The following ZNF317 variants were observed in gnomAD, a reference collection of about 807,000 sequenced individuals.
ZNF317 encodes the protein zinc finger protein 317.
In ZNF317, 17 loss-of-function variants were observed where a neutral mutation model predicts 23.4. The ratio of observed to expected loss-of-function variants is 0.73; its 90% CI spans 0.50 to 1.09. ZNF317 has a LOEUF of 1.09. ZNF317 is among the 50% of genes least tolerant of loss of function. The pLI is 0.00. For missense variants in ZNF317, 679 were observed against 796.7 expected, an observed-to-expected ratio of 0.85 and a Z score of 1.78; for synonymous variants, 317 against 314.9, an observed-to-expected ratio of 1.01 and a Z score of -0.07.
In ZNF317 at chr19:9,160,211, C is replaced by T; in HGVS notation, c.566C>T (p.Ala189Val). The stretch of plus-strand genomic sequence containing the variant: ...CTCACTCAGCCAATGGGAAGGCACG[C>T]TGGCAAGAGGCCCTATCACCGCCGC... Reference protein sequence around the residue: ...PHLTQPMGRHAGKRPYHRRDY... With the variant: ...PHLTQPMGRHVGKRPYHRRDY... The change falls in exon 7 of 7, where the codon GCT becomes GTT. Residue 189 changes from alanine to valine, a missense_variant. Coordinates refer to ENST00000247956, the MANE Select transcript of ZNF317 (RefSeq NM_020933.5). The surrounding 1 kb of genome is among the most constrained non-coding windows in gnomAD (Gnocchi z 6.8). 4 of 1,614,154 alleles carry T rather than the reference C, an allele frequency of 2.5e-6. No homozygotes were observed. The highest frequency in any genetic ancestry group is 3.4e-6 in the Non-Finnish European group (4 of 1,180,016).
intron 6 of ZNF317, among the ~76,000 whole-genome samples, chr19:9,159,906 CAT>C (rs968331744): frequency 8.5e-5 from 13 of 152,322 alleles, no homozygotes; most frequent in African/African-American, 3.1e-4. Flanking sequence ...AAAAGTAACA[CAT>C]GTGGAGCCTT....
intron 3 of ZNF317, 181 bp downstream of exon 3, chr19:9,156,929 T>G: frequency 1.3e-6 from 1 of 776,306 alleles, no homozygotes; most frequent in South Asian, 1.9e-5. Context: ...AAGTGATTTA[T>G]GTAGCATCTG....
In ZNF317 at chr19:9,161,386, C is replaced by T. The variant is rs2050855008; in HGVS notation, c.1741C>T (p.Arg581Trp). 6 of 1,613,888 alleles carry T rather than the reference C, an allele frequency of 3.7e-6. No homozygotes were observed. Among genetic ancestry groups the T allele is most frequent in the African/African-American group, 1.3e-5 (1 of 74,906 alleles). Residue 581 changes from arginine to tryptophan, a missense_variant, in exon 7 of 7, where the codon CGG (arginine) becomes TGG (tryptophan). Physicochemically the swap from Arg to Trp is moderately radical, Grantham distance 101. Coordinates refer to ENST00000247956, the MANE Select transcript of ZNF317 (RefSeq NM_020933.5). This position sits in a 1 kb window ranked among gnomAD's most constrained non-coding sequence, Gnocchi z 4.0. Reference sequence around the variant, plus strand: ...CCTCAGGAGCCACGTGAAAACTCACCGGGGAGAGAAGCTCTTTGTGTCATC... The same window carrying T: ...CCTCAGGAGCCACGTGAAAACTCACTGGGGAGAGAAGCTCTTTGTGTCATC... The part of the protein sequence containing the change: ...SSLRSHVKTH[R>W]GEKLFVSSVW...
At position 9,160,071 on chromosome 19, in the gene ZNF317, A is replaced by C. The variant is rs1376307649; in HGVS notation, c.469-43A>C. ...GGGATGACGCTTAGGGTTGCAATGAATATGAGAATTGCCTTTGTCAGCACT... is the reference window on the plus strand; with the variant it reads ...GGGATGACGCTTAGGGTTGCAATGACTATGAGAATTGCCTTTGTCAGCACT... On this transcript the variant is annotated intron_variant, in intron 6 of 6. Coordinates refer to ENST00000247956, the MANE Select transcript of ZNF317 (RefSeq NM_020933.5). This position sits in a 1 kb window ranked among gnomAD's most constrained non-coding sequence, Gnocchi z 6.8. The C allele has an allele frequency of 6.2e-7, 1 of 1,610,002 alleles. No homozygotes were observed. The highest frequency in any genetic ancestry group is 1.1e-5 in the South Asian group (1 of 90,724).
At chr19:9,147,324 A>G (rs1480058226) in intron 1 of ZNF317, among the ~76,000 whole-genome samples, 1 of 144,116 alleles carries the variant, frequency 6.9e-6, no homozygotes, top group Admixed American at 7.0e-5. Flanking sequence ...CATTCCAATG[A>G]CACTGGTTTT....
At position 9,162,885 on chromosome 19, in the gene ZNF317, T is replaced by C. The variant is rs2050875018; in HGVS notation, c.*1452T>C. Reference sequence around the variant, plus strand: ...CACACGGATTGCGACCAGAGCATGATGCCTCCATCAAGTGGTAATATGTTT... The same window carrying C: ...CACACGGATTGCGACCAGAGCATGACGCCTCCATCAAGTGGTAATATGTTT... On this transcript the variant is annotated 3_prime_UTR_variant, in exon 7 of 7. Transcript: ENST00000247956. 2 of 152,326 alleles carry C rather than the reference T, an allele frequency of 1.3e-5. No homozygotes were observed. Among genetic ancestry groups the C allele is most frequent in the Admixed American group, 1.3e-4 (2 of 15,290 alleles). The allele number at this position is 152,326 out of a possible 1,614,324, so 9.4% of individuals were successfully genotyped here.
chr19:9,144,494 T>A (rs2050665945), intron 1 of ZNF317, among the ~76,000 whole-genome samples: 1 of 152,210 alleles, frequency 6.6e-6, no homozygotes, highest in Admixed American at 6.5e-5. Flanking sequence ...TTCTCCTTTT[T>A]TATTTTCTGT....
At chr19:9,149,968 T>C (rs535450041) in intron 1 of ZNF317, among the ~76,000 whole-genome samples, 115 of 152,340 alleles carry the variant, frequency 7.5e-4, no homozygotes, top group African/African-American at 2.7e-3. Context: ...AAGTTAAGGC[T>C]GGCAGGATTT....
intron 3 of ZNF317, 143 bp from the exon 4 acceptor site, chr19:9,157,125 C>T: frequency 9.9e-7 from 1 of 1,014,924 alleles, no homozygotes; most frequent in Non-Finnish European, 1.4e-6. Flanking sequence ...GGACTGATGC[C>T]TGGAGGAAAT....
rs891967493 is a variant in ZNF317 at position 9,158,760 on chromosome 19, G to T, written c.386-66G>T. 8.5e-6 allele frequency: 9 copies of T among 1,053,260 alleles called. No homozygotes were observed. The African/African-American group carries it at 1.4e-4, about 16-fold the overall frequency. 65.2% of individuals were successfully genotyped at this position (1,053,260 alleles called of 1,614,324 possible). A position where few individuals can be genotyped will look rare whatever the true frequency, so the allele number is the denominator to read the frequency against. ...TTAGGATCTGCCAAGAAATCCACCT[G>T]TCATTGTCACCATCATCCCACCATT... On this transcript the variant is annotated intron_variant, in intron 5 of 6. Coordinates refer to ENST00000247956, the MANE Select transcript of ZNF317 (RefSeq NM_020933.5).
chr19:9,155,869 G>A (rs1600228269), intron 1 of ZNF317, 56 bp from the exon 2 acceptor site: 3 of 947,778 alleles, frequency 3.2e-6, no homozygotes, highest in Non-Finnish European at 5.0e-6. Flanking sequence ...TTTCTTTGGT[G>A]AGCAGGAGAG....
chr19:9,152,479 T>G (rs1293135212), intron 1 of ZNF317, among the ~76,000 whole-genome samples: 1 of 152,106 alleles, frequency 6.6e-6, no homozygotes, highest in Admixed American at 6.6e-5. Context: ...ACCCCTGAAC[T>G]CCACCTCCTG....
chr19:9,162,777 A>G lies in ZNF317; in HGVS notation c.*1344A>G, dbSNP rs1242758656. 1 of 152,148 alleles carries G rather than the reference A, an allele frequency of 6.6e-6. No homozygotes were observed. Among genetic ancestry groups the G allele is most frequent in the Non-Finnish European group, 1.5e-5 (1 of 68,030 alleles). The allele number at this position is 152,148 out of a possible 1,614,324, so 9.4% of individuals were successfully genotyped here. A position where few individuals can be genotyped will look rare whatever the true frequency, so the allele number is the denominator to read the frequency against. ...TGATAACGTCCTAATTTCCTTCTGG[A>G]CAACCTCCTTGACCAATGGCATATT... On this transcript the variant is annotated 3_prime_UTR_variant, in exon 7 of 7. Coordinates refer to ENST00000247956, the MANE Select transcript of ZNF317 (RefSeq NM_020933.5).
At chr19:9,148,736 G>A (rs1405096132) in intron 1 of ZNF317, among the ~76,000 whole-genome samples, 4 of 152,148 alleles carry the variant, frequency 2.6e-5, no homozygotes, top group African/African-American at 9.7e-5. Flanking sequence ...TTCTAGTTGG[G>A]CATACAGGAA....
intron 1 of ZNF317, among the ~76,000 whole-genome samples, chr19:9,141,364 G>C (rs542478388): frequency 9.1e-4 from 139 of 152,306 alleles, no homozygotes; most frequent in Non-Finnish European, 1.1e-3. Flanking sequence ...TTAAATCTCA[G>C]AAAGCTGTGT....
In ZNF317 at chr19:9,157,195, C is replaced by A. The variant is rs950043160; in HGVS notation, c.163-73C>A. On this transcript the variant is annotated intron_variant, in intron 3 of 6. Coordinates refer to ENST00000247956, the MANE Select transcript of ZNF317 (RefSeq NM_020933.5). ...TGTTGGGTCTCTCATGCCCGGTCTT[C>A]AACCTCAGCCATCTTACCATGAACA... The A allele has an allele frequency of 1.0e-5, 16 of 1,575,648 alleles. No homozygotes were observed. In the African/African-American group the frequency reaches 2.0e-4, roughly 20 times the overall value.
At chr19:9,159,648 G>A (rs1463995142) in intron 6 of ZNF317, among the ~76,000 whole-genome samples, 2 of 151,616 alleles carry the variant, frequency 1.3e-5, no homozygotes, top group Non-Finnish European at 2.9e-5. Context: ...TCAGGCTCAA[G>A]TGATTCTCCT....
intron 1 of ZNF317, among the ~76,000 whole-genome samples, chr19:9,152,935 G>A (rs560624234): frequency 4.6e-5 from 7 of 152,184 alleles, no homozygotes; most frequent in Admixed American, 2.0e-4. Context: ...CCGTAAGGTC[G>A]GTAGTAATGT....
At chr19:9,158,950 C>T in intron 6 of ZNF317, 42 bp downstream of exon 6, 2 of 1,385,784 alleles carry the variant, frequency 1.4e-6, no homozygotes, top group Non-Finnish European at 2.1e-6. Flanking sequence ...CCTTCCACGT[C>T]TGAGGAGACT....
Sources: allele counts gnomAD v4.1 joint callset (sites outside exome capture counted in the v4.1 genomes callset), GRCh38; gene constraint gnomAD v4.1.1; non-coding constraint Gnocchi (gnomAD v3.1); transcripts MANE v1.5; gene names NCBI Gene and HGNC (gene_info 2026-07-23, HGNC 2026-07-21).